The following SIN3B variants were observed in gnomAD, a reference collection of about 807,000 sequenced individuals.
The protein encoded by SIN3B is paired amphipathic helix protein Sin3b.
SIN3B carries 19 observed loss-of-function variants against 120.2 expected under a neutral mutation model. The ratio of observed to expected loss-of-function variants is 0.16; its 90% confidence interval spans 0.11 to 0.23. The LOEUF is 0.23. Ranked by LOEUF, SIN3B falls within the 10% of genes least tolerant of loss-of-function variation. The probability of loss-of-function intolerance (pLI) is 1.00; values close to 1 mark genes in which losing one functional copy is unlikely to be tolerated. For synonymous variants in SIN3B, 654 were observed against 653.2 expected, an observed-to-expected ratio of 1.00 and a Z score of -0.02; for missense variants, 1,073 against 1,573.0, an observed-to-expected ratio of 0.68 and a Z score of 5.38.
At chr19:16,851,069 C>T (rs960160791) in intron 5 of SIN3B, among the ~76,000 whole-genome samples, 19 of 133,110 alleles carry the variant, frequency 1.4e-4, no homozygotes, top group East Asian at 1.3e-3. Context: ...GGCATGCACA[C>T]GGCGAGATGC....
At chr19:16,830,111 AGGGATCTGG>A (rs1971260753) in intron 2 of SIN3B, among the ~76,000 whole-genome samples, 1 of 152,246 alleles carries the variant, frequency 6.6e-6, no homozygotes, top group Admixed American at 6.5e-5. Context: ...GAAGCAGGAC[AGGGATCTGG>A]GGGGAGGCAG....
In SIN3B at chr19:16,865,571, C is replaced by T. The variant is rs1447366247; in HGVS notation, c.1545C>T (p.Ile515=). 1 of 1,613,666 alleles carries T rather than the reference C, an allele frequency of 6.2e-7. No homozygotes were observed. Among genetic ancestry groups the T allele is most frequent in the South Asian group, 1.1e-5 (1 of 91,036 alleles). ...EVIQRRAIYR[I]YGDKAPEIIE... ...TCCAGCGCCGTGCCATTTATCGCAT[C>T]TATGGCGACAAGGCCCCGGAGATCA... The change falls in exon 11 of 19, where the codon ATC becomes ATT. Residue 515 remains isoleucine (I), a synonymous_variant. Coordinates refer to ENST00000248054, the MANE Select transcript of SIN3B (RefSeq NM_001297595.2).
chr19:16,876,595 A>C lies in SIN3B; in HGVS notation c.2859+17A>C. On this transcript the variant is annotated intron_variant, in intron 16 of 18. Coordinates refer to ENST00000248054, the MANE Select transcript of SIN3B (RefSeq NM_001297595.2). This position sits in a 1 kb window ranked among gnomAD's most constrained non-coding sequence, Gnocchi z 7.1. ...GAGGTCCAGGTGAGGCCCTGGCCCC[A>C]GTCTGTGCCACGCATACCAGGGAGC... 1 of 1,601,426 alleles carries C rather than the reference A, an allele frequency of 6.2e-7. No homozygotes were observed. Among genetic ancestry groups the C allele is most frequent in the Non-Finnish European group, 8.5e-7 (1 of 1,169,958 alleles).
intron 8 of SIN3B, among the ~76,000 whole-genome samples, chr19:16,856,397 G>A (rs141860859): frequency 7.2e-5 from 11 of 152,228 alleles, no homozygotes; most frequent in South Asian, 6.2e-4. Flanking sequence ...TAAATGTACC[G>A]ACCTATGTGG....
chr19:16,840,583 C>T (rs1217453435), intron 3 of SIN3B, among the ~76,000 whole-genome samples: 1 of 152,240 alleles, frequency 6.6e-6, no homozygotes, highest in African/African-American at 2.4e-5. Flanking sequence ...TGTTTCAGTA[C>T]AAGACGGTAG....
Position 16,877,579 on chromosome 19 carries a change from C to T in SIN3B, c.2894C>T (p.Thr965Ile). ...CGGTACGTGGAGCAGTATGTGGGGA[C>T]CGAGGGCGCGTCCAGCTCGCCCACT... ...LARYVEQYVG[T>I]EGASSSPTEG... The change falls in exon 17 of 19, where the codon ACC (threonine) becomes ATC (isoleucine). Residue 965 changes from threonine to isoleucine, a missense_variant. By Grantham distance (89) the Thr-to-Ile change is moderately conservative (BLOSUM62 -1). Transcript: ENST00000248054. 6.2e-7 allele frequency: 1 copy of T among 1,612,188 alleles called. No individual in the cohort carries two copies. Among genetic ancestry groups the T allele is most frequent in the Non-Finnish European group, 8.5e-7 (1 of 1,179,514 alleles).
Position 16,831,595 on chromosome 19 carries a change from T to C in SIN3B, c.329T>C (p.Ile110Thr). ...FNAFLPLGYR[I>T]DIPKNGKLNI... ...GCTTTTCTTCCCCTCGGATATAGAA[T>C]AGACATTCCCAAGAATGGCAAGTTA... The change falls in exon 3 of 19, where the codon ATA becomes ACA. Residue 110 changes from isoleucine to threonine, a missense_variant. By Grantham distance (89) the Ile-to-Thr change is moderately conservative. Around this residue, in one of 7 missense-constraint regions of SIN3B, gnomAD observed 395 missense variants for 528.0 expected, o/e 0.75. Transcript: ENST00000248054. The C allele has an allele frequency of 2.5e-6, 4 of 1,614,086 alleles. No homozygotes were observed. Among genetic ancestry groups the C allele is most frequent in the East Asian group, 4.5e-5 (2 of 44,878 alleles).
In SIN3B at chr19:16,876,009, C is replaced by T; in HGVS notation, c.2593-46C>T. ...TTCCTCTGTGGGTGAGGTGGGGACT[C>T]CCGCAGGAGGCGGGGTGGCCGCACC... On this transcript the variant is annotated intron_variant, in intron 14 of 18. Transcript: ENST00000248054. The surrounding 1 kb of genome is among the most constrained non-coding windows in gnomAD (Gnocchi z 7.1). 1 of 1,518,132 alleles carries T rather than the reference C, an allele frequency of 6.6e-7. No homozygotes were observed. The allele number at this position is 1,518,132 out of a possible 1,614,324, so 94.0% of individuals were successfully genotyped here. A position where few individuals can be genotyped will look rare whatever the true frequency, so the allele number is the denominator to read the frequency against.
rs771438470 is a variant in SIN3B, at chr19:16,863,000, G to A, written c.1266+441G>A. The A allele has an allele frequency of 1.8e-5, 29 of 1,577,338 alleles. No homozygotes were observed. The highest frequency in any genetic ancestry group is 2.2e-5 in the Non-Finnish European group (25 of 1,146,712). On this transcript the variant is annotated intron_variant, in intron 9 of 18. Coordinates refer to ENST00000248054, the MANE Select transcript of SIN3B (RefSeq NM_001297595.2). The surrounding 1 kb of genome is among the most constrained non-coding windows in gnomAD (Gnocchi z 4.7). ...CAGGGGTCAGCAAACTCTGGCCCAC[G>A]GGCCCTGGCCCGCTGCCCGTGTTTG... is the stretch of plus-strand genomic sequence containing the variant.
At chr19:16,844,991 T>C (rs776547033) in intron 4 of SIN3B, among the ~76,000 whole-genome samples, 3 of 152,138 alleles carry the variant, frequency 2.0e-5, no homozygotes, top group Non-Finnish European at 4.4e-5. Context: ...GGGGTTCTGG[T>C]CAGCCGGGAG....
intron 8 of SIN3B, among the ~76,000 whole-genome samples, chr19:16,859,932 G>T (rs1971664355): frequency 6.6e-6 from 1 of 152,202 alleles, no homozygotes; most frequent in Admixed American, 6.5e-5. Context: ...GCGAGCCTCA[G>T]TGTCTTTGTA....
At chr19:16,852,149 CAG>C (rs1478816486) in intron 6 of SIN3B, among the ~76,000 whole-genome samples, 1 of 152,190 alleles carries the variant, frequency 6.6e-6, no homozygotes, top group Non-Finnish European at 1.5e-5. Flanking sequence ...TCCTTTGAGA[CAG>C]AGTCTCGCTC....
intron 6 of SIN3B, among the ~76,000 whole-genome samples, chr19:16,851,994 T>A (rs1031245349): frequency 6.6e-6 from 1 of 152,266 alleles, no homozygotes; most frequent in African/African-American, 2.4e-5. Flanking sequence ...TTTCTACTAT[T>A]GGTGGGAACT....
Position 16,878,598 on chromosome 19 carries a change from G to A in SIN3B, c.3264G>A (p.Gln1088=), listed in dbSNP as rs1047714912. The change falls in exon 19 of 19, where the codon CAG becomes CAA. Residue 1088 remains glutamine, a synonymous_variant. Transcript: ENST00000248054. ...NVTVEAASLV[Q]DWLMGEEDED... is the part of the protein sequence containing the mutation. Reference sequence around the variant, plus strand: ...CGGTGGAGGCGGCTAGCCTGGTGCAGGACTGGCTGATGGGTGAGGAGGACG... The same window carrying A: ...CGGTGGAGGCGGCTAGCCTGGTGCAAGACTGGCTGATGGGTGAGGAGGACG... 8 of 1,612,440 alleles carry A rather than the reference G, an allele frequency of 5.0e-6. No individual in the cohort carries two copies. Among genetic ancestry groups the A allele is most frequent in the Non-Finnish European group, 6.8e-6 (8 of 1,179,342 alleles).
chr19:16,841,151 G>A (rs144909406), intron 3 of SIN3B, among the ~76,000 whole-genome samples: 48 of 152,032 alleles, frequency 3.2e-4, no homozygotes, highest in East Asian at 1.7e-3. Flanking sequence ...TGCTCATATC[G>A]GCTGAAAAGT....
At position 16,834,822 on chromosome 19, in the gene SIN3B, C is replaced by T. The variant is rs535090598; in HGVS notation, c.381+3175C>T. Reference sequence around the variant, plus strand: ...TGGCTTCAGGAGTCCTTTGAGCTTTCGGCTCCCTGGAGTCCTTTGAGAGGC... The same window carrying T: ...TGGCTTCAGGAGTCCTTTGAGCTTTTGGCTCCCTGGAGTCCTTTGAGAGGC... On this transcript the variant is annotated intron_variant, in intron 3 of 18. Coordinates refer to ENST00000248054, the MANE Select transcript of SIN3B (RefSeq NM_001297595.2). 6.2e-4 allele frequency among the ~76,000 whole-genome samples: 94 copies of T among 152,222 alleles called. 1 individual carries two copies. Among genetic ancestry groups the T allele is most frequent in the African/African-American group, 2.2e-3 (91 of 41,552 alleles).
chr19:16,869,857 C>G lies in SIN3B; in HGVS notation c.2204C>G (p.Pro735Arg), dbSNP rs117307745. 1 of 1,614,094 alleles carries G rather than the reference C, an allele frequency of 6.2e-7. No homozygotes were observed. The highest frequency in any genetic ancestry group is 8.5e-7 in the Non-Finnish European group (1 of 1,180,032). ...PPLPPPAPHK[P>R]LDDVYSLFFA... ...CTGCCGCCCCCAGCCCCGCACAAGC[C>G]CCTGGACGATGTCTACAGCCTATTT... Residue 735 changes from proline (P) to arginine (R), a missense_variant, in exon 13 of 19, where the codon CCC (proline) becomes CGC (arginine). Pro to Arg is a moderately radical substitution (Grantham distance 103, BLOSUM62 -2). Coordinates refer to ENST00000248054, the MANE Select transcript of SIN3B (RefSeq NM_001297595.2).
chr19:16,848,487 G>A (rs1464251037), intron 5 of SIN3B, among the ~76,000 whole-genome samples: 1 of 115,476 alleles, frequency 8.7e-6, no homozygotes, highest in Non-Finnish European at 1.8e-5. Context: ...AAGTTTTATT[G>A]CATTAAGGTT....
Position 16,829,780 on chromosome 19 carries a change from C to A in SIN3B, c.121-11C>A, listed in dbSNP as rs377281361. 2 of 1,606,582 alleles carry A rather than the reference C, an allele frequency of 1.2e-6. No individual in the cohort carries two copies. Among genetic ancestry groups the A allele is most frequent in the South Asian group, 2.2e-5 (2 of 90,888 alleles). On this transcript the variant is annotated splice_polypyrimidine_tract_variant and intron_variant, in intron 1 of 18. Coordinates refer to ENST00000248054, the MANE Select transcript of SIN3B (RefSeq NM_001297595.2). ...GGCCAGGGCCCACCGGGACCCTCCCCCTCTCTGCAGGTAGAAGACGCCCTC... is the reference window on the plus strand; with the variant it reads ...GGCCAGGGCCCACCGGGACCCTCCCACTCTCTGCAGGTAGAAGACGCCCTC...
Sources: allele counts gnomAD v4.1 joint callset (sites outside exome capture counted in the v4.1 genomes callset), GRCh38; gene constraint gnomAD v4.1.1; regional missense constraint gnomAD v4.1.1; non-coding constraint Gnocchi (gnomAD v3.1); transcripts MANE v1.5; gene names NCBI Gene and HGNC (gene_info 2026-07-23, HGNC 2026-07-21).